Variants in CDH3 observed in about 807,000 individuals in gnomAD.
CDH3 encodes cadherin 3.
Under a neutral mutation model 82.0 loss-of-function variants are expected in CDH3, and 54 were observed. That is an observed-to-expected ratio of 0.66 (90% CI 0.53 to 0.83). CDH3 has a LOEUF of 0.83. Among genes scored for constraint, CDH3 ranks in the 40% least tolerant of loss-of-function variants. The probability of loss-of-function intolerance (pLI) is 0.00; values close to 1 mark genes in which losing one functional copy is unlikely to be tolerated. For missense variants in CDH3, 1,054 were observed against 1,084.6 expected (o/e 0.97, Z 0.40); for synonymous variants, 446 against 437.9 (o/e 1.02, Z -0.23).
intron 1 of CDH3, among the ~76,000 whole-genome samples, chr16:68,712,747 T>C (rs1420158714): frequency 6.6e-6 from 1 of 151,910 alleles, no homozygotes; most frequent in Non-Finnish European, 1.5e-5. Flanking sequence ...AGTGGCTCGA[T>C]CTTGGCTCAC....
chr16:68,665,467 GGT>G (rs140235574), intron 2 of CDH3, among the ~76,000 whole-genome samples: 3 of 151,282 alleles, frequency 2.0e-5, no homozygotes, highest in South Asian at 2.1e-4. Context: ...AGCACCTGGG[GGT>G]GTGTGTGTGT....
intron 2 of CDH3, among the ~76,000 whole-genome samples, chr16:68,666,326 G>C (rs147287860): frequency 5.7e-4 from 87 of 152,272 alleles, no homozygotes; most frequent in African/African-American, 2.0e-3. Context: ...TCCAAGAGCT[G>C]CTCTGCTTAC....
chr16:68,723,930 A>G (rs995315516), intron 2 of CDH3, among the ~76,000 whole-genome samples: 31 of 151,978 alleles, frequency 2.0e-4, no homozygotes, highest in Admixed American at 1.3e-4. Context: ...TTAGCCGGGC[A>G]TAGTGGCGGG....
rs183077934 is a variant in CDH3 at position 68,683,467 on chromosome 16, T to A, written c.1182+980T>A. ...GAGACCGAGACCATCCTGGCTAACA[T>A]GGTGAAACCCCGTCTCTACTAAAAA... is the stretch of plus-strand genomic sequence containing the variant. On this transcript the variant is annotated intron_variant, in intron 9 of 15. Coordinates refer to ENST00000264012, the MANE Select transcript of CDH3 (RefSeq NM_001793.6). 5.3e-3 allele frequency among the ~76,000 whole-genome samples: 808 copies of A among 151,118 alleles called. 10 individuals are homozygous for A. In the Middle Eastern group the frequency reaches 0.086, roughly 16 times the overall value.
intron 8 of CDH3, 88 bp from the exon 9 acceptor site, chr16:68,682,214 T>A: frequency 8.5e-6 from 12 of 1,419,886 alleles, no homozygotes; most frequent in Non-Finnish European, 9.7e-6. Context: ...GGCATGGGGA[T>A]CCCCTGAGGT....
At chr16:68,678,374 G>C in intron 4 of CDH3, 97 bp downstream of exon 4, 1 of 1,588,592 alleles carries the variant, frequency 6.3e-7, no homozygotes, top group Non-Finnish European at 8.6e-7. Flanking sequence ...TGGGGGCTGA[G>C]ACAGAAAAAC....
At chr16:68,692,958 G>C (rs1961616254) in intron 13 of CDH3, among the ~76,000 whole-genome samples, 1 of 152,156 alleles carries the variant, frequency 6.6e-6, no homozygotes. Context: ...TACAAAATTA[G>C]CCAGGCATGA....
At chr16:68,718,037 C>T (rs1046724101) in intron 1 of CDH3, among the ~76,000 whole-genome samples, 10 of 151,916 alleles carry the variant, frequency 6.6e-5, no homozygotes, top group Admixed American at 5.9e-4. Flanking sequence ...TGGAGTTGCC[C>T]AGGCTGGAGT....
chr16:68,690,570 G>T (rs930337460), intron 12 of CDH3, among the ~76,000 whole-genome samples: 2 of 150,896 alleles, frequency 1.3e-5, no homozygotes, highest in African/African-American at 4.9e-5. Context: ...CTGAGATCGC[G>T]CCACTGTACT....
At position 68,651,006 on chromosome 16, in the gene CDH3, G is replaced by GGA. The variant is rs373933591; in HGVS notation, c.160+5262_160+5263dup. 1.9e-3 allele frequency: 633 copies of GGA among 336,250 alleles called. 6 individuals carry two copies. The highest frequency in any genetic ancestry group is 0.013 in the African/African-American group (588 of 46,204). The allele number at this position is 336,250 out of a possible 1,614,324, so 20.8% of individuals were successfully genotyped here. On this transcript the variant is annotated intron_variant, in intron 2 of 15. Transcript: ENST00000264012. ...AAACCCAGACAGGGAGACGATGTGG[G>GGA]GAGAGAGCGTGCTGGGAGCCTTAGT...
chr16:68,655,417 G>A (rs543063986), intron 2 of CDH3, among the ~76,000 whole-genome samples: 1 of 152,334 alleles, frequency 6.6e-6, no homozygotes, highest in Non-Finnish European at 1.5e-5. Flanking sequence ...TTCAGGTACT[G>A]TTTACTGTCA....
intron 13 of CDH3, among the ~76,000 whole-genome samples, chr16:68,693,242 G>A (rs975666484): frequency 6.6e-6 from 1 of 152,158 alleles, no homozygotes; most frequent in Non-Finnish European, 1.5e-5. Flanking sequence ...TTGAGCAGAG[G>A]GGTGATGTGA....
chr16:68,691,328 G>A (rs1476859628), intron 12 of CDH3, among the ~76,000 whole-genome samples: 1 of 151,618 alleles, frequency 6.6e-6, no homozygotes, highest in East Asian at 1.9e-4. Context: ...TAATAAAGTT[G>A]CTTTTACTTT....
At chr16:68,732,873 G>T in the CDH3 span, among the ~76,000 whole-genome samples, 1 of 148,318 alleles carries the variant, frequency 6.7e-6, no homozygotes, top group Non-Finnish European at 1.5e-5. Context: ...GCCCTGGGAG[G>T]TTCGAAATGA....
intron 6 of CDH3, among the ~76,000 whole-genome samples, 192 bp downstream of exon 6, chr16:68,679,098 T>C (rs1961129168): frequency 6.6e-6 from 1 of 152,208 alleles, no homozygotes; most frequent in African/African-American, 2.4e-5. Context: ...GGAATCTGTA[T>C]ATTTGAAATT....
At position 68,698,204 on chromosome 16, in the gene CDH3, C is replaced by A; in HGVS notation, c.2294C>A (p.Ala765Asp). ...CTGTTGCCGCAGAACCTGAAGGCGG[C>A]TAACACAGACCCCACAGCCCCGCCC... ...GNFIIENLKAANTDPTAPPYD... is the reference protein window; with the variant it reads ...GNFIIENLKADNTDPTAPPYD... Residue 765 changes from alanine to aspartate, a missense_variant, in exon 16 of 16, where the codon GCT becomes GAT. Physicochemically the swap from Ala to Asp is moderately radical, Grantham distance 126. Transcript: ENST00000264012. The A allele has an allele frequency of 6.2e-7, 1 of 1,614,190 alleles. No individual in the cohort carries two copies. Among genetic ancestry groups the A allele is most frequent in the Non-Finnish European group, 8.5e-7 (1 of 1,180,026 alleles).
chr16:68,645,904 G>C, intron 2 of CDH3, 154 bp downstream of exon 2: 1 of 624,982 alleles, frequency 1.6e-6, no homozygotes, highest in Non-Finnish European at 2.8e-6. Flanking sequence ...TGGGATTGGG[G>C]GTGGTGGCTG....
At chr16:68,688,574 TGA>T (rs1392671497) in intron 12 of CDH3, among the ~76,000 whole-genome samples, 2 of 151,444 alleles carry the variant, frequency 1.3e-5, no homozygotes, top group African/African-American at 4.8e-5. Context: ...GACAACAGAG[TGA>T]GACTGTCTCA....
At chr16:68,693,768 C>G (rs981217926) in intron 13 of CDH3, among the ~76,000 whole-genome samples, 1 of 152,168 alleles carries the variant, frequency 6.6e-6, no homozygotes, top group African/African-American at 2.4e-5. Flanking sequence ...AAGTAATGAT[C>G]CTGAGCAGTG....
Sources: gnomAD v4.1 joint callset for allele counts (sites outside exome capture counted in the v4.1 genomes callset) on GRCh38, gnomAD v4.1.1 for gene constraint, MANE v1.5 for transcripts, NCBI Gene and HGNC (gene_info 2026-07-23, HGNC 2026-07-21) for gene names.